TMTC1: variants seen among roughly 807,000 people sequenced by gnomAD.
TMTC1 encodes transmembrane O-mannosyltransferase targeting cadherins 1.
In TMTC1, 73 loss-of-function variants were observed where a neutral mutation model predicts 104.8. The observed-to-expected ratio is 0.70, with a 90% CI of 0.58 to 0.85. TMTC1 has a LOEUF of 0.85. Ranked by LOEUF, TMTC1 falls within the 40% of genes least tolerant of loss-of-function variation. TMTC1 has a pLI of 0.00. For synonymous variants in TMTC1, 434 were observed against 428.7 expected, an observed-to-expected ratio of 1.01 and a Z score of -0.15; for missense variants, 1,035 against 1,096.1, an observed-to-expected ratio of 0.94 and a Z score of 0.79.
At chr12:29,633,108 C>T (rs781659523) in intron 6 of TMTC1, 39 bp downstream of exon 6, 1 of 1,567,212 alleles carries the variant, frequency 6.4e-7, no homozygotes, top group Non-Finnish European at 8.7e-7. Flanking sequence ...GAATATCTGT[C>T]TTCAAATGCA....
At chr12:29,700,399 C>A (rs1201994801) in intron 5 of TMTC1, among the ~76,000 whole-genome samples, 2 of 151,856 alleles carry the variant, frequency 1.3e-5, no homozygotes, top group Admixed American at 6.6e-5. Context: ...GATAGAGTCT[C>A]ACTTTGTTGT....
At chr12:29,758,623 T>C in intron 3 of TMTC1, 81 bp downstream of exon 3, 3 of 1,341,768 alleles carry the variant, frequency 2.2e-6, no homozygotes, top group Non-Finnish European at 3.2e-6. Flanking sequence ...CAGAAGCTTC[T>C]CTCCTCTCAG....
intron 5 of TMTC1, among the ~76,000 whole-genome samples, chr12:29,641,888 A>C (rs1938871090): frequency 1.3e-5 from 2 of 152,336 alleles, no homozygotes; most frequent in South Asian, 2.1e-4. Context: ...AAATAGCTTA[A>C]GAAAAAGCAA....
Position 29,536,261 on chromosome 12 carries a change from C to T in TMTC1, c.1733G>A (p.Gly578Asp). 6.2e-7 allele frequency: 1 copy of T among 1,613,190 alleles called. No individual in the cohort carries two copies. The highest frequency in any genetic ancestry group is 8.5e-7 in the Non-Finnish European group (1 of 1,179,648). The change falls in exon 11 of 18, where the codon GGT becomes GAT. Residue 578 changes from glycine (G) to aspartate (D), a missense_variant. By Grantham distance (94) the Gly-to-Asp change is moderately conservative. Transcript: ENST00000539277. ...ITLLKDSIKY[G>D]PEFADAYSSL... is the part of the protein sequence containing the mutation. ...TGAATATGCATCTGCAAACTCTGGA[C>T]CATATTTGATGGAATCCTTCAGTAA...
chr12:29,751,335 G>A (rs542236411), intron 5 of TMTC1, among the ~76,000 whole-genome samples: 4 of 152,162 alleles, frequency 2.6e-5, no homozygotes, highest in Non-Finnish European at 5.9e-5. Flanking sequence ...GAGAGAGAGA[G>A]GCAGGAGAAG....
chr12:29,711,748 G>A (rs755740010), intron 5 of TMTC1, among the ~76,000 whole-genome samples: 2 of 152,092 alleles, frequency 1.3e-5, no homozygotes, highest in Non-Finnish European at 2.9e-5. Context: ...GCTCATGCCT[G>A]TAATCCCAGC....
intron 6 of TMTC1, chr12:29,614,064 C>T: frequency 4.3e-6 from 1 of 233,050 alleles, no homozygotes; most frequent in Non-Finnish European, 7.0e-6. Flanking sequence ...GTAGCACTTC[C>T]AAAAGATAAT....
chr12:29,619,967 A>C (rs1001291405), intron 6 of TMTC1, among the ~76,000 whole-genome samples: 2 of 152,216 alleles, frequency 1.3e-5, no homozygotes, highest in Non-Finnish European at 2.9e-5. Flanking sequence ...GGAGAGCATT[A>C]ACTTTTATAA....
chr12:29,591,746 C>T (rs1316523273), intron 7 of TMTC1, among the ~76,000 whole-genome samples: 2 of 152,120 alleles, frequency 1.3e-5, no homozygotes, highest in African/African-American at 2.4e-5. Flanking sequence ...GATGCACATT[C>T]GAAGAGAATT....
intron 5 of TMTC1, among the ~76,000 whole-genome samples, chr12:29,736,704 C>T (rs1418994666): frequency 6.6e-6 from 1 of 152,192 alleles, no homozygotes; most frequent in East Asian, 1.9e-4. Flanking sequence ...AGGCGTAAGC[C>T]ACCAGGCCCG....
chr12:29,567,119 C>T (rs888755401), intron 9 of TMTC1, among the ~76,000 whole-genome samples: 1 of 152,222 alleles, frequency 6.6e-6, no homozygotes, highest in Non-Finnish European at 1.5e-5. Context: ...CAGAGCTCCC[C>T]ATGGGATCAG....
chr12:29,752,126 C>A (rs1464112761), intron 4 of TMTC1, among the ~76,000 whole-genome samples: 2 of 64,120 alleles, frequency 3.1e-5, no homozygotes, highest in African/African-American at 9.4e-5. Flanking sequence ...TAGATGGCCA[C>A]CAACACACAC....
chr12:29,624,202 A>T (rs1293461159), intron 6 of TMTC1, among the ~76,000 whole-genome samples: 1 of 151,878 alleles, frequency 6.6e-6, no homozygotes. Flanking sequence ...CTGGCTTCAA[A>T]CTCCTGACCT....
At chr12:29,714,349 C>T (rs1942018886) in intron 5 of TMTC1, among the ~76,000 whole-genome samples, 1 of 152,230 alleles carries the variant, frequency 6.6e-6, no homozygotes, top group Non-Finnish European at 1.5e-5. Context: ...TGTTCCATCA[C>T]ATGGAATATT....
intron 5 of TMTC1, among the ~76,000 whole-genome samples, chr12:29,638,255 A>G (rs1938655136): frequency 6.6e-6 from 1 of 152,112 alleles, no homozygotes; most frequent in Non-Finnish European, 1.5e-5. Flanking sequence ...CACAGATACA[A>G]GTGGCTGGAC....
At chr12:29,780,244 T>G (rs1171794162) in intron 1 of TMTC1, among the ~76,000 whole-genome samples, 1 of 152,230 alleles carries the variant, frequency 6.6e-6, no homozygotes, top group Non-Finnish European at 1.5e-5. Context: ...GGAAACAACC[T>G]AGATGTCCCC....
rs548666358 is a variant in TMTC1 at position 29,616,975 on chromosome 12, C to G, written c.1129-12676G>C. On this transcript the variant is annotated intron_variant, in intron 6 of 17. Coordinates refer to ENST00000539277, the MANE Select transcript of TMTC1 (RefSeq NM_001193451.2). ...GTCTTATAACTTTATTCTCTATACT[C>G]TTAATATTGTTTGAACCAATGAGTG... Among the ~76,000 whole-genome samples, 4 of 152,194 alleles carry G rather than the reference C, an allele frequency of 2.6e-5. No homozygotes were observed. In the South Asian group the frequency reaches 8.3e-4, roughly 32 times the overall value.
At chr12:29,742,280 C>T (rs1254862661) in intron 5 of TMTC1, among the ~76,000 whole-genome samples, 3 of 151,970 alleles carry the variant, frequency 2.0e-5, no homozygotes, top group Non-Finnish European at 4.4e-5. Flanking sequence ...ATTTATTTTT[C>T]CAAATTATAT....
intron 6 of TMTC1, among the ~76,000 whole-genome samples, chr12:29,628,032 C>T (rs1938093873): frequency 6.6e-6 from 1 of 152,214 alleles, no homozygotes; most frequent in African/African-American, 2.4e-5. Context: ...AGCTTCCCCA[C>T]ATAATTTAGT....
Sources: gnomAD v4.1 joint callset for allele counts (sites outside exome capture counted in the v4.1 genomes callset) on GRCh38, gnomAD v4.1.1 for gene constraint, MANE v1.5 for transcripts, NCBI Gene and HGNC (gene_info 2026-07-23, HGNC 2026-07-21) for gene names.